Variants in PHRF1 observed in about 807,000 individuals in gnomAD.
PHRF1 encodes PHD and ring finger domains 1.
PHRF1 carries 53 observed loss-of-function variants against 128.9 expected under a neutral mutation model. The observed-to-expected ratio is 0.41, with a 90% confidence interval of 0.33 to 0.52. PHRF1 has a LOEUF of 0.52. Among genes scored for constraint, PHRF1 ranks in the 20% least tolerant of loss-of-function variants. PHRF1 has a pLI of 0.21. For missense variants in PHRF1, 2,503 were observed against 2,284.5 expected, an observed-to-expected ratio of 1.10 and a Z score of -1.95; for synonymous variants, 1,178 against 980.6, an observed-to-expected ratio of 1.20 and a Z score of -3.76.
intron 6 of PHRF1, among the ~76,000 whole-genome samples, chr11:594,548 C>A (rs1430537220): frequency 6.6e-6 from 1 of 152,204 alleles, no homozygotes; most frequent in African/African-American, 2.4e-5. Flanking sequence ...ACTGCAACCT[C>A]GGTTCAAGGT....
intron 1 of PHRF1, among the ~76,000 whole-genome samples, chr11:577,839 A>G (rs1370935206): frequency 1.3e-5 from 2 of 152,250 alleles, no homozygotes; most frequent in Non-Finnish European, 2.9e-5. Context: ...CCTTAGTAAC[A>G]GTTGGGACTG....
At chr11:596,664 G>A (rs1318928361) in intron 6 of PHRF1, among the ~76,000 whole-genome samples, 14 of 152,200 alleles carry the variant, frequency 9.2e-5, no homozygotes, top group Non-Finnish European at 1.5e-4. Flanking sequence ...ACAGACGGCC[G>A]CCTCCCCGCT....
intron 3 of PHRF1, among the ~76,000 whole-genome samples, chr11:582,544 G>A (rs1261005195): frequency 3.3e-5 from 5 of 150,768 alleles, no homozygotes. Flanking sequence ...TTTCTTTTTT[G>A]AGACGGAGTC....
At position 581,536 on chromosome 11, in the gene PHRF1, G is replaced by C; in HGVS notation, c.24G>C (p.Glu8Asp). MDDDSLD[E>D]LVARSPGPDG... The stretch of plus-strand genomic sequence containing the variant: ...CAATGGATGACGACAGCCTGGATGA[G>C]CTTGTGGCCCGGAGCCCAGGGCCGG... Residue 8 changes from glutamate to aspartate, a missense_variant, in exon 2 of 18, where the codon GAG becomes GAC. Transcript: ENST00000264555. The C allele has an allele frequency of 1.2e-6, 2 of 1,613,634 alleles. No homozygotes were observed. Among genetic ancestry groups the C allele is most frequent in the Non-Finnish European group, 8.5e-7 (1 of 1,179,878 alleles).
At chr11:592,528 T>C in intron 5 of PHRF1, 31 bp from the exon 6 acceptor site, 4 of 1,602,110 alleles carry the variant, frequency 2.5e-6, no homozygotes, top group Non-Finnish European at 3.4e-6. Context: ...GTTTGGGTCC[T>C]GTGTGGTGGT....
Position 609,217 on chromosome 11 carries a change from C to A in PHRF1, c.3761C>A (p.Pro1254Gln). ...PVLEVAAECE[P>Q]DDLDLDYGDS... is the part of the protein sequence containing the mutation. Reference sequence around the variant, plus strand: ...CTGGAGGTGGCAGCTGAGTGTGAGCCGGACGACCTGGACCTGGATTATGGC... The same window carrying A: ...CTGGAGGTGGCAGCTGAGTGTGAGCAGGACGACCTGGACCTGGATTATGGC... The change falls in exon 14 of 18, where the codon CCG (proline) becomes CAG (glutamine). Residue 1254 changes from proline to glutamine, a missense_variant. Coordinates refer to ENST00000264555, the MANE Select transcript of PHRF1 (RefSeq NM_001286581.2). The A allele has an allele frequency of 6.2e-7, 1 of 1,609,634 alleles. No homozygotes were observed. The highest frequency in any genetic ancestry group is 1.1e-5 in the South Asian group (1 of 91,084).
At chr11:603,028 G>A (rs921456957) in intron 10 of PHRF1, among the ~76,000 whole-genome samples, 2 of 151,968 alleles carry the variant, frequency 1.3e-5, no homozygotes, top group African/African-American at 4.8e-5. Flanking sequence ...CCAAAGTGCT[G>A]GGATTACAGG....
At chr11:587,225 C>T (rs1335629471) in intron 3 of PHRF1, 34 bp from the exon 4 acceptor site, 7 of 1,605,002 alleles carry the variant, frequency 4.4e-6, no homozygotes, top group South Asian at 3.3e-5. Flanking sequence ...CGCTGCCCAT[C>T]CTGCTTGCAC....
At position 607,743 on chromosome 11, in the gene PHRF1, G is replaced by C. The variant is rs1441237854; in HGVS notation, c.2287G>C (p.Gly763Arg). The change falls in exon 14 of 18, where the codon GGA becomes CGA. Residue 763 changes from glycine to arginine, a missense_variant. Physicochemically the swap from Gly to Arg is moderately radical, Grantham distance 125 (BLOSUM62 -2). Coordinates refer to ENST00000264555, the MANE Select transcript of PHRF1 (RefSeq NM_001286581.2). ...CTCCCATGGCAGTTTGGCCCCACTG[G>C]GACCATCAAGAGGGAAAGGGGTCGG... is the stretch of plus-strand genomic sequence containing the variant. ...PSSHGSLAPL[G>R]PSRGKGVGST... 2 of 1,612,196 alleles carry C rather than the reference G, an allele frequency of 1.2e-6. No individual in the cohort carries two copies. The highest frequency in any genetic ancestry group is 1.3e-5 in the African/African-American group (1 of 74,926).
At chr11:604,544 C>T (rs973718257) in intron 10 of PHRF1, among the ~76,000 whole-genome samples, 17 of 152,208 alleles carry the variant, frequency 1.1e-4, no homozygotes, top group African/African-American at 2.4e-4. Flanking sequence ...GACAGAGTCT[C>T]GCTCTGTCCC....
rs142972371 is a variant in PHRF1, at chr11:609,814, C to T, written c.4264+94C>T. 489 of 786,590 alleles carry T rather than the reference C, an allele frequency of 6.2e-4. 1 individual carries two copies. Among genetic ancestry groups the T allele is most frequent in the African/African-American group, 1.0e-3 (41 of 39,654 alleles). 48.7% of individuals were successfully genotyped at this position (786,590 alleles called of 1,614,324 possible). On this transcript the variant is annotated intron_variant, in intron 14 of 17. Coordinates refer to ENST00000264555, the MANE Select transcript of PHRF1 (RefSeq NM_001286581.2). ...ACAGAGCCCCCCGTGAGTAAGGCCC[C>T]GGCCTCCACCGAGGACAGAGCCCCC...
At chr11:610,786 C>A (rs746836272) in intron 16 of PHRF1, 25 bp downstream of exon 16, 2 of 1,594,588 alleles carry the variant, frequency 1.3e-6, no homozygotes, top group Non-Finnish European at 1.7e-6. Context: ...CTCCCACTTT[C>A]CCCATGTTCC....
At chr11:583,481 C>G (rs1399211827) in intron 3 of PHRF1, among the ~76,000 whole-genome samples, 1 of 152,042 alleles carries the variant, frequency 6.6e-6, no homozygotes, top group African/African-American at 2.4e-5. Context: ...CACGCCACCA[C>G]ACTCCAGCCT....
chr11:609,387 C>T lies in PHRF1; in HGVS notation c.3931C>T (p.Pro1311Ser), dbSNP rs748187710. 116 of 1,611,480 alleles carry T rather than the reference C, an allele frequency of 7.2e-5. No individual in the cohort carries two copies. The highest frequency in any genetic ancestry group is 5.7e-4 in the South Asian group (52 of 91,094). The change falls in exon 14 of 18, where the codon CCA becomes TCA. Residue 1311 changes from proline to serine, a missense_variant. Pro to Ser is a moderately conservative substitution (Grantham distance 74). Coordinates refer to ENST00000264555, the MANE Select transcript of PHRF1 (RefSeq NM_001286581.2). ...RDFPLKPALP[P>S]ASLAVAAIQR... ...CTTCCCACTGAAGCCTGCGTTGCCC[C>T]CAGCCAGCCTGGCCGTGGCCGCCAT...
chr11:602,497 A>G (rs140802650), intron 10 of PHRF1, among the ~76,000 whole-genome samples: 1 of 152,124 alleles, frequency 6.6e-6, no homozygotes, highest in Non-Finnish European at 1.5e-5. Flanking sequence ...CCTGGCCAAC[A>G]TGGTGAAACC....
rs749408326 is a variant in PHRF1, at chr11:607,899, C to T, written c.2443C>T (p.Pro815Ser). The change falls in exon 14 of 18, where the codon CCC becomes TCC. Residue 815 changes from proline (P) to serine (S), a missense_variant. Physicochemically the swap from Pro to Ser is moderately conservative, Grantham distance 74 (BLOSUM62 -1). Transcript: ENST00000264555. ...GGAGCAGAGGAAGGAGAACCCCTCA[C>T]CCCTCTTCTCCATCAAGAAGACGAA... ...DKEQRKENPS[P>S]LFSIKKTKQL... 1.9e-6 allele frequency: 3 copies of T among 1,612,698 alleles called. No homozygotes were observed. Among genetic ancestry groups the T allele is most frequent in the South Asian group, 2.2e-5 (2 of 91,088 alleles).
At chr11:610,867 C>G in intron 16 of PHRF1, 87 bp from the exon 17 acceptor site, 2 of 1,586,474 alleles carry the variant, frequency 1.3e-6, no homozygotes, top group South Asian at 2.3e-5. Flanking sequence ...GCCTCTGGAA[C>G]TGCAAGGGTG....
rs1159384960 is a variant in PHRF1 at position 609,109 on chromosome 11, C to G, written c.3653C>G (p.Thr1218Ser). 2.5e-6 allele frequency: 4 copies of G among 1,605,430 alleles called. No individual in the cohort carries two copies. Among genetic ancestry groups the G allele is most frequent in the Non-Finnish European group, 3.4e-6 (4 of 1,177,322 alleles). ...GAGCCAGGGCGGGAAGACCTCCCCA[C>G]CAGGTTGCCAGCCTTGGGGGAAGCA... ...QGEPGREDLP[T>S]RLPALGEAHV... The change falls in exon 14 of 18, where the codon ACC (threonine) becomes AGC (serine). Residue 1218 changes from threonine (T) to serine (S), a missense_variant. Thr to Ser is a moderately conservative substitution (Grantham distance 58). Coordinates refer to ENST00000264555, the MANE Select transcript of PHRF1 (RefSeq NM_001286581.2).
Position 606,883 on chromosome 11 carries a change from C to T in PHRF1, c.1610-183C>T. ...GATGGCCTCAGGCACTGTACTTTGT[C>T]ATCCACAGAGTGGCTGTTGAAGCAG... On this transcript the variant is annotated intron_variant, in intron 13 of 17. Transcript: ENST00000264555. 6.5e-6 allele frequency: 7 copies of T among 1,079,350 alleles called. No individual in the cohort carries two copies. The South Asian group carries it at 6.8e-5, about 11-fold the overall frequency. 66.9% of individuals were successfully genotyped at this position (1,079,350 alleles called of 1,614,324 possible). A position where few individuals can be genotyped will look rare whatever the true frequency, so the allele number is the denominator to read the frequency against.
Sources: allele counts gnomAD v4.1 joint callset (sites outside exome capture counted in the v4.1 genomes callset), GRCh38; gene constraint gnomAD v4.1.1; transcripts MANE v1.5; gene names NCBI Gene and HGNC (gene_info 2026-07-23, HGNC 2026-07-21).